The following FRAS1 variants were observed in gnomAD, a reference collection of about 807,000 sequenced individuals.
FRAS1 encodes extracellular matrix organizing protein FRAS1.
Under a neutral mutation model 435.2 loss-of-function variants are expected in FRAS1, and 290 were observed. The ratio of observed to expected loss-of-function variants is 0.67; its 90% CI spans 0.61 to 0.73. The LOEUF (loss-of-function observed/expected upper bound fraction) is 0.73, where lower values mean the gene tolerates loss of function less well. FRAS1 is among the 30% of genes least tolerant of loss of function. The pLI is 0.00. For missense variants in FRAS1, 4,860 were observed against 5,001.5 expected, an observed-to-expected ratio of 0.97 and a Z score of 0.85; for synonymous variants, 1,800 against 1,851.0, an observed-to-expected ratio of 0.97 and a Z score of 0.71.
At chr4:78,457,637 G>A (rs141710679) in intron 47 of FRAS1, among the ~76,000 whole-genome samples, 3 of 152,236 alleles carry the variant, frequency 2.0e-5, no homozygotes, top group South Asian at 2.1e-4. Flanking sequence ...AATCACCGAC[G>A]TACCCACGAA....
At chr4:78,394,492 C>T (rs1578295943) in intron 29 of FRAS1, among the ~76,000 whole-genome samples, 1 of 151,902 alleles carries the variant, frequency 6.6e-6, no homozygotes, top group East Asian at 1.9e-4. Flanking sequence ...ATTCTTTGCA[C>T]TCTTGTTGAA....
chr4:78,255,733 C>T (rs1271140882), intron 6 of FRAS1, among the ~76,000 whole-genome samples: 1 of 152,174 alleles, frequency 6.6e-6, no homozygotes, highest in African/African-American at 2.4e-5. Flanking sequence ...TAGGTATAGT[C>T]TGCTTTTTTA....
intron 56 of FRAS1, among the ~76,000 whole-genome samples, chr4:78,481,107 C>T (rs1369947518): frequency 1.3e-5 from 2 of 152,210 alleles, no homozygotes; most frequent in Non-Finnish European, 2.9e-5. Context: ...TTGCATCTCA[C>T]AGCATGTTGG....
intron 2 of FRAS1, among the ~76,000 whole-genome samples, chr4:78,146,402 A>G (rs1720422389): frequency 1.3e-5 from 2 of 152,148 alleles, no homozygotes; most frequent in Admixed American, 6.6e-5. Flanking sequence ...AACTGTATGC[A>G]CATACCCCAT....
At chr4:78,251,608 G>A (rs1361778619) in intron 4 of FRAS1, among the ~76,000 whole-genome samples, 1 of 152,190 alleles carries the variant, frequency 6.6e-6, no homozygotes, top group Non-Finnish European at 1.5e-5. Context: ...TCTGGATTGA[G>A]CACCAGTACA....
At chr4:78,254,258 C>T (rs1039610209) in intron 5 of FRAS1, among the ~76,000 whole-genome samples, 2 of 152,200 alleles carry the variant, frequency 1.3e-5, no homozygotes, top group Non-Finnish European at 2.9e-5. Context: ...GGCACTCTCA[C>T]AACATGTAAT....
intron 26 of FRAS1, among the ~76,000 whole-genome samples, chr4:78,378,398 G>T (rs568322080): frequency 1.3e-5 from 2 of 152,244 alleles, no homozygotes; most frequent in African/African-American, 4.8e-5. Context: ...TTGTGTACAA[G>T]TTTTGTGTGG....
intron 2 of FRAS1, among the ~76,000 whole-genome samples, chr4:78,156,426 G>A: frequency 6.6e-6 from 1 of 151,734 alleles, no homozygotes; most frequent in Non-Finnish European, 1.5e-5. Context: ...ATCTTTGGCA[G>A]GGCTAGTATG....
At chr4:78,143,884 A>G (rs889294651) in intron 2 of FRAS1, among the ~76,000 whole-genome samples, 2 of 147,498 alleles carry the variant, frequency 1.4e-5, no homozygotes, top group Non-Finnish European at 3.0e-5. Flanking sequence ...AGCCTGGGTG[A>G]TACAGTGAGA....
intron 2 of FRAS1, among the ~76,000 whole-genome samples, chr4:78,077,572 T>C (rs893636060): frequency 1.3e-5 from 2 of 152,144 alleles, no homozygotes; most frequent in African/African-American, 4.8e-5. Flanking sequence ...TTAAGTACTT[T>C]CTCATCATCC....
At chr4:78,097,191 G>A (rs530938469) in intron 2 of FRAS1, among the ~76,000 whole-genome samples, 3 of 152,252 alleles carry the variant, frequency 2.0e-5, no homozygotes, top group Admixed American at 1.3e-4. Flanking sequence ...TTCCCAACAA[G>A]TTTCTCATCT....
Position 78,124,750 on chromosome 4 carries a change from G to A in FRAS1, c.108+58734G>A, listed in dbSNP as rs532827849. On this transcript the variant is annotated intron_variant, in intron 2 of 73. Coordinates refer to ENST00000512123, the MANE Select transcript of FRAS1 (RefSeq NM_025074.7). ...TTATCCATTTCTTCTAGATTTTCTA[G>A]CTTATTTGCATAGAGGTGTTTATAG... Among the ~76,000 whole-genome samples, 158 of 152,276 alleles carry A rather than the reference G, an allele frequency of 1.0e-3. 1 individual carries two copies. The highest frequency in any genetic ancestry group is 4.6e-3 in the South Asian group (22 of 4,824).
Position 78,506,340 on chromosome 4 carries a change from A to G in FRAS1, c.9317-1081A>G, listed in dbSNP as rs1720840470. ...AGTTTCTGCTGGCTTTTGTTCAGCT[A>G]TGCCCTGCCCACAGAGGTGGAGTCT... On this transcript the variant is annotated intron_variant, in intron 61 of 73. Coordinates refer to ENST00000512123, the MANE Select transcript of FRAS1 (RefSeq NM_025074.7). 2.0e-5 allele frequency among the ~76,000 whole-genome samples: 3 copies of G among 152,326 alleles called. No homozygotes were observed. In the South Asian group the frequency reaches 6.2e-4, roughly 32 times the overall value.
Position 78,526,589 on chromosome 4 carries a change from G to A in FRAS1, c.10857G>A (p.Val3619=), listed in dbSNP as rs1375450631. The change falls in exon 70 of 74, where the codon GTG becomes GTA. Residue 3619 remains valine (V), a synonymous_variant. Transcript: ENST00000512123. ...EYTIYLIPCT[V]QPTQPWVDPG... ...CCATCTACCTGATCCCTTGCACAGTGCAGCCCACACAGCCATGGGTTGACC... is the reference window on the plus strand; with the variant it reads ...CCATCTACCTGATCCCTTGCACAGTACAGCCCACACAGCCATGGGTTGACC... The A allele has an allele frequency of 6.2e-7, 1 of 1,602,778 alleles. No individual in the cohort carries two copies. The highest frequency in any genetic ancestry group is 1.7e-4 in the Middle Eastern group (1 of 6,036).
intron 29 of FRAS1, among the ~76,000 whole-genome samples, chr4:78,389,432 T>C (rs1413183259): frequency 6.9e-6 from 1 of 144,722 alleles, no homozygotes; most frequent in African/African-American, 2.9e-5. Context: ...TAATATGATC[T>C]GCTAGGTAAT....
chr4:78,289,522 C>T (rs1727782657), intron 14 of FRAS1, among the ~76,000 whole-genome samples: 1 of 151,994 alleles, frequency 6.6e-6, no homozygotes, highest in Admixed American at 6.6e-5. Flanking sequence ...TGCCTTTTTT[C>T]ACAGCAGGTA....
chr4:78,077,981 A>T lies in FRAS1; in HGVS notation c.108+11965A>T, dbSNP rs557642461. The stretch of plus-strand genomic sequence containing the variant: ...TGAATCCAAGTAATTCCACAAACAA[A>T]AATAATTAATACTAAATATTAGATG... On this transcript the variant is annotated intron_variant, in intron 2 of 73. Transcript: ENST00000512123. Among the ~76,000 whole-genome samples the T allele has an allele frequency of 3.3e-5, 5 of 152,180 alleles. No homozygotes were observed. In the East Asian group the frequency reaches 7.7e-4, roughly 24 times the overall value.
intron 18 of FRAS1, among the ~76,000 whole-genome samples, chr4:78,327,294 G>A (rs946865304): frequency 8.5e-5 from 13 of 152,190 alleles, no homozygotes; most frequent in East Asian, 3.9e-4. Context: ...CCTTATCACC[G>A]TACTCCCGTT....
At chr4:78,424,347 C>G (rs1578315638) in intron 34 of FRAS1, 41 bp from the exon 35 acceptor site, 13 of 1,205,806 alleles carry the variant, frequency 1.1e-5, no homozygotes, top group Non-Finnish European at 1.5e-5. Context: ...TCTCTGATCC[C>G]AAAGTGTTTA....
Sources: gnomAD v4.1 joint callset for allele counts (sites outside exome capture counted in the v4.1 genomes callset) on GRCh38, gnomAD v4.1.1 for gene constraint, MANE v1.5 for transcripts, NCBI Gene and HGNC (gene_info 2026-07-23, HGNC 2026-07-21) for gene names.